Variants in KCNH7 observed in about 807,000 individuals in gnomAD.
KCNH7 encodes the protein potassium voltage-gated channel subfamily H member 7.
A neutral mutation model predicts 120.8 loss-of-function variants in KCNH7; 49 were observed. The observed-to-expected ratio is 0.41, with a 90% CI of 0.32 to 0.51. The LOEUF is 0.51. Among genes scored for constraint, KCNH7 ranks in the 20% least tolerant of loss-of-function variants. KCNH7 has a pLI of 0.38. For synonymous variants in KCNH7, 547 were observed against 516.1 expected, an observed-to-expected ratio of 1.06 and a Z score of -0.81; for missense variants, 1,097 against 1,446.6, an observed-to-expected ratio of 0.76 and a Z score of 3.92.
chr2:162,435,366 C>A lies in KCNH7; in HGVS notation c.1786G>T (p.Gly596Trp). The A allele has an allele frequency of 1.9e-6, 3 of 1,613,842 alleles. No homozygotes were observed. The highest frequency in any genetic ancestry group is 2.5e-6 in the Non-Finnish European group (3 of 1,179,866). ...GAGTCACTGTCATTGTAACGTTTCC[C>A]AATTTGCTGTCCTAAGGAATCCAAC... ...GWLDSLGQQIGKRYNDSDSSS... is the reference protein window; with the variant it reads ...GWLDSLGQQIWKRYNDSDSSS... The change falls in exon 8 of 16, where the codon GGG (glycine) becomes TGG (tryptophan). Residue 596 changes from glycine (G) to tryptophan (W), a missense_variant. This residue lies in a region of KCNH7 where 36 missense variants were observed against 46.8 expected (regional missense o/e 0.77). Transcript: ENST00000332142.
rs1388218548 is a variant in KCNH7, at chr2:162,562,458, C to T, written c.308-25378G>A. ...AATATGGAGGTTGGGCATCCTGTGT[C>T]CTGTTCTGAACTAGTTGCACCGTGG... On this transcript the variant is annotated intron_variant, in intron 2 of 15. Transcript: ENST00000332142. 2.6e-5 allele frequency among the ~76,000 whole-genome samples: 4 copies of T among 152,068 alleles called. No individual in the cohort carries two copies. In the South Asian group the frequency reaches 8.3e-4, roughly 31 times the overall value.
chr2:162,534,802 G>A (rs1425257779), intron 3 of KCNH7, among the ~76,000 whole-genome samples: 1 of 151,516 alleles, frequency 6.6e-6, no homozygotes, highest in African/African-American at 2.4e-5. Flanking sequence ...TTGCACATAT[G>A]CAGGCAAAAA....
At chr2:162,766,298 T>C (rs1321367253) in intron 2 of KCNH7, among the ~76,000 whole-genome samples, 3 of 152,142 alleles carry the variant, frequency 2.0e-5, no homozygotes, top group African/African-American at 7.2e-5. Context: ...ACATGCGCCT[T>C]GACGTGAAAC....
chr2:162,798,818 G>A (rs141018616), intron 2 of KCNH7, among the ~76,000 whole-genome samples: 157 of 151,754 alleles, frequency 1.0e-3, no homozygotes, highest in Non-Finnish European at 1.8e-3. Context: ...TATCAAGTGC[G>A]TAGTGCAAAC....
chr2:162,822,025 T>C (rs4574131), intron 2 of KCNH7, among the ~76,000 whole-genome samples: 1 of 149,814 alleles, frequency 6.7e-6, no homozygotes, highest in African/African-American at 2.4e-5. Context: ...CACACCTAAA[T>C]TGAGTTTCAG....
intron 10 of KCNH7, among the ~76,000 whole-genome samples, chr2:162,398,158 T>C (rs1452364694): frequency 6.6e-6 from 1 of 151,860 alleles, no homozygotes; most frequent in East Asian, 1.9e-4. Flanking sequence ...AAAATAGTAC[T>C]CTCCTGTGTC....
At chr2:162,508,990 G>A (rs1229028907) in intron 5 of KCNH7, among the ~76,000 whole-genome samples, 1 of 151,478 alleles carries the variant, frequency 6.6e-6, no homozygotes, top group Non-Finnish European at 1.5e-5. Context: ...CAAGATGGAT[G>A]ACCAGGTTAC....
chr2:162,521,442 C>G (rs1363687401), intron 3 of KCNH7, among the ~76,000 whole-genome samples: 2 of 151,844 alleles, frequency 1.3e-5, no homozygotes, highest in Non-Finnish European at 2.9e-5. Flanking sequence ...ATGGTGAACT[C>G]TATACCACGT....
At chr2:162,381,412 A>C (rs1686414363) in intron 13 of KCNH7, among the ~76,000 whole-genome samples, 1 of 152,050 alleles carries the variant, frequency 6.6e-6, no homozygotes, top group Non-Finnish European at 1.5e-5. Flanking sequence ...AGTTTCTCCA[A>C]GGGTAGTTTA....
At chr2:162,428,689 A>G (rs1687949369) in intron 8 of KCNH7, among the ~76,000 whole-genome samples, 1 of 151,858 alleles carries the variant, frequency 6.6e-6, no homozygotes, top group Admixed American at 6.6e-5. Context: ...CAGTTACATC[A>G]GTTTTTCCTT....
At chr2:162,729,154 A>T (rs905250434) in intron 2 of KCNH7, among the ~76,000 whole-genome samples, 1 of 148,418 alleles carries the variant, frequency 6.7e-6, no homozygotes, top group Non-Finnish European at 1.5e-5. Flanking sequence ...TTTTGTCAAT[A>T]TACCCAAATT....
At chr2:162,431,461 T>G (rs982676465) in intron 8 of KCNH7, among the ~76,000 whole-genome samples, 2 of 151,988 alleles carry the variant, frequency 1.3e-5, no homozygotes, top group Non-Finnish European at 2.9e-5. Context: ...CCTATATACA[T>G]CAAAATGGGT....
intron 2 of KCNH7, among the ~76,000 whole-genome samples, chr2:162,674,079 T>A (rs971587723): frequency 5.3e-5 from 8 of 151,690 alleles, no homozygotes; most frequent in Non-Finnish European, 1.0e-4. Flanking sequence ...AAAATGAACA[T>A]GAATTGAAAA....
rs150480671 is a variant in KCNH7 at position 162,583,165 on chromosome 2, T to C, written c.308-46085A>G. On this transcript the variant is annotated intron_variant, in intron 2 of 15. Coordinates refer to ENST00000332142, the MANE Select transcript of KCNH7 (RefSeq NM_033272.4). ...AATAGCTGTAAACTGTAATTGGTTA[T>C]GATATATTTAGGGAAATTTTTATTT... Among the ~76,000 whole-genome samples, 634 of 152,186 alleles carry C rather than the reference T, an allele frequency of 4.2e-3. 8 individuals are homozygous for C. The highest frequency in any genetic ancestry group is 0.015 in the African/African-American group (608 of 41,542).
At chr2:162,823,475 C>A (rs575997953) in intron 2 of KCNH7, among the ~76,000 whole-genome samples, 1 of 152,088 alleles carries the variant, frequency 6.6e-6, no homozygotes, top group Admixed American at 6.6e-5. Flanking sequence ...ATTCCAGGAT[C>A]TGATTTCTGC....
At chr2:162,782,253 T>C (rs1302004071) in intron 2 of KCNH7, among the ~76,000 whole-genome samples, 5 of 152,056 alleles carry the variant, frequency 3.3e-5, no homozygotes, top group African/African-American at 4.8e-5. Flanking sequence ...AAAATACATA[T>C]GTAATATATT....
chr2:162,687,720 A>C (rs1421884237), intron 2 of KCNH7, among the ~76,000 whole-genome samples: 2 of 152,124 alleles, frequency 1.3e-5, no homozygotes, highest in Admixed American at 1.3e-4. Flanking sequence ...CACTATTTTG[A>C]CAGCTGAGCC....
intron 2 of KCNH7, among the ~76,000 whole-genome samples, chr2:162,615,376 A>C (rs569952135): frequency 6.6e-6 from 1 of 152,214 alleles, no homozygotes; most frequent in African/African-American, 2.4e-5. Context: ...ATAGGCAATT[A>C]CTGTTTTCTG....
At chr2:162,746,683 A>C (rs1270063691) in intron 2 of KCNH7, among the ~76,000 whole-genome samples, 1 of 152,180 alleles carries the variant, frequency 6.6e-6, no homozygotes, top group Non-Finnish European at 1.5e-5. Context: ...AAGTCAGATA[A>C]AATATCAATA....
Sources: allele counts gnomAD v4.1 joint callset (sites outside exome capture counted in the v4.1 genomes callset), GRCh38; gene constraint gnomAD v4.1.1; regional missense constraint gnomAD v4.1.1; transcripts MANE v1.5; gene names NCBI Gene and HGNC (gene_info 2026-07-23, HGNC 2026-07-21).